DCHS2: variants seen among roughly 807,000 people sequenced by gnomAD.
DCHS2 encodes the protein protocadherin-23.
A neutral mutation model predicts 182.4 loss-of-function variants in DCHS2; 142 were observed. That is an observed-to-expected ratio of 0.78 (90% confidence interval 0.68 to 0.89). The LOEUF (loss-of-function observed/expected upper bound fraction) is 0.89, where lower values mean the gene tolerates loss of function less well. Ranked by LOEUF, DCHS2 falls within the 40% of genes least tolerant of loss-of-function variation. The pLI is 0.00. For missense variants in DCHS2, 4,319 were observed against 4,198.6 expected, an observed-to-expected ratio of 1.03 and a Z score of -0.79; for synonymous variants, 1,740 against 1,663.3, an observed-to-expected ratio of 1.05 and a Z score of -1.12.
At chr4:154,480,550 CA>C in intron 1 of DCHS2, among the ~76,000 whole-genome samples, 1 of 152,240 alleles carries the variant, frequency 6.6e-6, no homozygotes, top group South Asian at 2.1e-4. Flanking sequence ...TTTTCAAAAG[CA>C]TGAAGGAGAT....
chr4:154,234,307 A>G lies in DCHS2; in HGVS notation c.*229T>C. 1 of 530,200 alleles carries G rather than the reference A, an allele frequency of 1.9e-6. No individual in the cohort carries two copies. The allele number at this position is 530,200 out of a possible 1,614,324, so 32.8% of individuals were successfully genotyped here. A position where few individuals can be genotyped will look rare whatever the true frequency, so the allele number is the denominator to read the frequency against. On this transcript the variant is annotated 3_prime_UTR_variant, in exon 20 of 20. Transcript: ENST00000357232. ...ACAGAATATACACTACTTAATATATACAAATGTGAGTCCTGAGAGCAACAC... is the reference window on the plus strand; with the variant it reads ...ACAGAATATACACTACTTAATATATGCAAATGTGAGTCCTGAGAGCAACAC...
At chr4:154,372,882 A>G (rs181296365) in intron 2 of DCHS2, among the ~76,000 whole-genome samples, 21 of 152,346 alleles carry the variant, frequency 1.4e-4, no homozygotes, top group African/African-American at 4.8e-4. Context: ...AAGGATAAAT[A>G]GAGCAGTAGC....
rs573728187 is a variant in DCHS2 at position 154,316,028 on chromosome 4, T to A, written c.5021-41A>T. The A allele has an allele frequency of 1.1e-5, 17 of 1,607,588 alleles. No homozygotes were observed. The South Asian group carries it at 1.9e-4, about 18-fold the overall frequency. On this transcript the variant is annotated intron_variant, in intron 9 of 19. Coordinates refer to ENST00000357232, the MANE Select transcript of DCHS2 (RefSeq NM_001358235.2). ...AAGAAAAGCAACATGTAATGAATATTCTTTAGAGAAGTCATGCTTACTCCA... is the reference window on the plus strand; with the variant it reads ...AAGAAAAGCAACATGTAATGAATATACTTTAGAGAAGTCATGCTTACTCCA...
intron 1 of DCHS2, among the ~76,000 whole-genome samples, chr4:154,433,266 G>A (rs914944976): frequency 6.6e-6 from 1 of 152,112 alleles, no homozygotes; most frequent in East Asian, 1.9e-4. Context: ...GTCCCCAGAA[G>A]CTTGGAGGAA....
chr4:154,296,255 A>G lies in DCHS2; in HGVS notation c.6463+1596T>C, dbSNP rs115783697. 7.2e-3 allele frequency among the ~76,000 whole-genome samples: 1,090 copies of G among 152,316 alleles called. 11 individuals carry two copies. Among genetic ancestry groups the G allele is most frequent in the African/African-American group, 0.025 (1,035 of 41,572 alleles). ...GTTGAGTTAAACATCGTGGGCAACC[A>G]AGTGGTTTATCCTTAACTTTTAAAG... is the stretch of plus-strand genomic sequence containing the variant. On this transcript the variant is annotated intron_variant, in intron 13 of 19. Coordinates refer to ENST00000357232, the MANE Select transcript of DCHS2 (RefSeq NM_001358235.2).
In DCHS2 at chr4:154,250,027, TAAATAA is replaced by T. The variant is rs1732275341; in HGVS notation, c.6941+5486_6941+5491del. On this transcript the variant is annotated intron_variant, in intron 16 of 19. Transcript: ENST00000357232. ...AAATAAAATTTGAAATTAAAATAAA[TAAATAA>T]AAATAAACTATATGAGAGGATTGCA... is the stretch of plus-strand genomic sequence containing the variant. Among the ~76,000 whole-genome samples, 2 of 151,966 alleles carry T rather than the reference TAAATAA, an allele frequency of 1.3e-5. 1 individual carries two copies. The highest frequency in any genetic ancestry group is 4.2e-4 in the South Asian group (2 of 4,814).
intron 1 of DCHS2, among the ~76,000 whole-genome samples, chr4:154,417,225 GAGAGAGAGAGA>G (rs1732894064): frequency 6.7e-6 from 1 of 148,986 alleles, no homozygotes; most frequent in African/African-American, 2.5e-5. Context: ...GAGAGAGAGA[GAGAGAGAGAGA>G]GAGAGAGAGA....
Position 154,417,158 on chromosome 4 carries a change from AGTGTGTGTGTGTGTGT to A in DCHS2, c.2053-39730_2053-39715del, listed in dbSNP as rs778940410. The stretch of plus-strand genomic sequence containing the variant: ...CTGTCACCACCTCAGGCCGGTCCCG[AGTGTGTGTGTGTGTGT>A]GTGTGTGTGTGTGTGTGTGTGTGTG... On this transcript the variant is annotated intron_variant, in intron 1 of 19. Transcript: ENST00000357232. Among the ~76,000 whole-genome samples the A allele has an allele frequency of 1.2e-3, 95 of 80,056 alleles. 1 individual carries two copies. Among genetic ancestry groups the A allele is most frequent in the South Asian group, 3.4e-3 (6 of 1,758 alleles). The allele number at this position is 80,056 out of a possible 152,430, so 52.5% of individuals were successfully genotyped here. A position where few individuals can be genotyped will look rare whatever the true frequency, so the allele number is the denominator to read the frequency against.
chr4:154,330,692 G>T (rs1166045083), intron 5 of DCHS2, among the ~76,000 whole-genome samples: 1 of 152,034 alleles, frequency 6.6e-6, no homozygotes, highest in Admixed American at 6.6e-5. Context: ...AAAAAAAGTG[G>T]AAACAGGGAA....
intron 9 of DCHS2, among the ~76,000 whole-genome samples, chr4:154,319,235 T>C (rs1735964339): frequency 6.6e-6 from 1 of 152,018 alleles, no homozygotes; most frequent in South Asian, 2.1e-4. Context: ...CCTGAAACTA[T>C]AAAGGTCCTA....
intron 1 of DCHS2, among the ~76,000 whole-genome samples, chr4:154,385,769 G>A (rs114767542): frequency 0.037 from 5,641 of 152,110 alleles, 142 homozygotes; most frequent in Middle Eastern, 0.061. Flanking sequence ...TAGGATTAAA[G>A]GTGTGAGCCA....
intron 14 of DCHS2, chr4:154,269,487 T>TTG (rs1323343795): frequency 6.0e-6 from 1 of 165,570 alleles, no homozygotes; most frequent in East Asian, 1.9e-4. Flanking sequence ...TGTTCTTTTT[T>TTG]TGTTGTTGTG....
intron 3 of DCHS2, among the ~76,000 whole-genome samples, chr4:154,341,911 T>A (rs956149589): frequency 6.6e-6 from 1 of 151,922 alleles, no homozygotes; most frequent in South Asian, 2.1e-4. Context: ...TTAGTCTTTT[T>A]AATTTTATTT....
At chr4:154,261,049 G>A (rs1260125424) in intron 14 of DCHS2, among the ~76,000 whole-genome samples, 1 of 151,526 alleles carries the variant, frequency 6.6e-6, no homozygotes, top group African/African-American at 2.4e-5. Flanking sequence ...TTATTTACTT[G>A]GCTTTCACTG....
At chr4:154,389,822 A>C (rs893076710) in intron 1 of DCHS2, among the ~76,000 whole-genome samples, 2 of 152,016 alleles carry the variant, frequency 1.3e-5, no homozygotes, top group African/African-American at 4.8e-5. Flanking sequence ...AGTTGAAGGA[A>C]GTTAAAGTTA....
intron 1 of DCHS2, among the ~76,000 whole-genome samples, chr4:154,407,831 G>A (rs545527203): frequency 6.6e-6 from 1 of 152,268 alleles, no homozygotes; most frequent in South Asian, 2.1e-4. Context: ...TCTATTGGTA[G>A]GTCAGAGCAA....
At chr4:154,414,487 CTTTTTTTT>C (rs375818839) in intron 1 of DCHS2, among the ~76,000 whole-genome samples, 43 of 73,762 alleles carry the variant, frequency 5.8e-4, no homozygotes, top group Non-Finnish European at 9.9e-4. Context: ...ATACAGCTTT[CTTTTTTTT>C]TTTTTTTTTT....
At position 154,489,483 on chromosome 4, in the gene DCHS2, CCT is replaced by C. The variant is rs1560788721; in HGVS notation, c.1871_1872del (p.Glu624GlyfsTer31). On this transcript the variant is annotated frameshift_variant, in exon 1 of 20. Coordinates refer to ENST00000357232, the MANE Select transcript of DCHS2 (RefSeq NM_001358235.2). LOFTEE classifies it high-confidence loss of function. ...AISTIRTLDR[E>X]VQEAVELKVV... Reference sequence around the variant, plus strand: ...ACTTTCAGCTCCACCGCCTCCTGGACCTCTCGGTCTAGAGTCCGGATAGTGCT... The same window carrying C: ...ACTTTCAGCTCCACCGCCTCCTGGACCTCGGTCTAGAGTCCGGATAGTGCT... The C allele has an allele frequency of 6.4e-7, 1 of 1,551,724 alleles. No individual in the cohort carries two copies. The highest frequency in any genetic ancestry group is 8.7e-7 in the Non-Finnish European group (1 of 1,147,002).
At chr4:154,350,469 C>T (rs953525015) in intron 3 of DCHS2, among the ~76,000 whole-genome samples, 8 of 152,126 alleles carry the variant, frequency 5.3e-5, no homozygotes, top group Non-Finnish European at 1.2e-4. Context: ...CAACTGACTA[C>T]TTTCTGGGGC....
Sources: allele counts gnomAD v4.1 joint callset (sites outside exome capture counted in the v4.1 genomes callset), GRCh38; gene constraint gnomAD v4.1.1; transcripts MANE v1.5; gene names NCBI Gene and HGNC (gene_info 2026-07-23, HGNC 2026-07-21).